SLC23A2: variants seen among roughly 807,000 people sequenced by gnomAD.
The protein encoded by SLC23A2 is Na(+)/L-ascorbic acid transporter 2.
Under a neutral mutation model 73.3 loss-of-function variants are expected in SLC23A2, and 36 were observed. The ratio of observed to expected loss-of-function variants is 0.49; its 90% CI spans 0.38 to 0.65. The LOEUF is 0.65. SLC23A2 is among the 30% of genes least tolerant of loss of function. The pLI is 0.00. For synonymous variants in SLC23A2, 343 were observed against 327.3 expected (o/e 1.05, Z -0.52); for missense variants, 507 against 841.6 (o/e 0.60, Z 4.92).
intron 6 of SLC23A2, among the ~76,000 whole-genome samples, chr20:4,895,784 T>C (rs17339921): frequency 0.051 from 7,779 of 152,316 alleles, 267 homozygotes; most frequent in Non-Finnish European, 0.071. Context: ...GCAGTATTGA[T>C]CTTGGTGAGC....
intron 1 of SLC23A2, among the ~76,000 whole-genome samples, chr20:4,972,960 G>A (rs2087588032): frequency 1.3e-5 from 2 of 152,086 alleles, no homozygotes; most frequent in South Asian, 2.1e-4. Context: ...CTAGTCAAGA[G>A]GAATAATGAA....
chr20:4,904,635 G>C (rs543822300), intron 4 of SLC23A2, among the ~76,000 whole-genome samples: 6 of 152,192 alleles, frequency 3.9e-5, no homozygotes, highest in African/African-American at 1.4e-4. Context: ...CAACAGCACC[G>C]CGTCAGCTAC....
intron 1 of SLC23A2, among the ~76,000 whole-genome samples, chr20:4,990,670 C>A (rs1179024687): frequency 6.7e-6 from 1 of 148,942 alleles, no homozygotes; most frequent in Non-Finnish European, 1.5e-5. Context: ...ACTGCCCCGG[C>A]CTCCATCTCT....
intron 3 of SLC23A2, among the ~76,000 whole-genome samples, chr20:4,922,830 T>TA (rs879928439): frequency 4.7e-4 from 62 of 133,240 alleles, no homozygotes; most frequent in East Asian, 1.0e-3. Context: ...ACCGTGTCTT[T>TA]AAAAAAAAAA....
intron 1 of SLC23A2, among the ~76,000 whole-genome samples, chr20:4,996,953 G>C (rs1389685287): frequency 2.0e-5 from 3 of 152,068 alleles, no homozygotes; most frequent in African/African-American, 7.2e-5. Flanking sequence ...CTGCATTTGG[G>C]TATGCTGGGT....
chr20:4,862,724 C>T lies in SLC23A2; in HGVS notation c.1486+54G>A, dbSNP rs3737321. On this transcript the variant is annotated intron_variant, in intron 14 of 16. Transcript: ENST00000338244. This position sits in a 1 kb window ranked among gnomAD's most constrained non-coding sequence, Gnocchi z 5.1. ...AAGGGAGTCAGCAAAAACACCATGACCCCTATTAAAAATTTGGAAAAGTAA... is the reference window on the plus strand; with the variant it reads ...AAGGGAGTCAGCAAAAACACCATGATCCCTATTAAAAATTTGGAAAAGTAA... The T allele has an allele frequency of 0.38, 588,558 of 1,534,532 alleles. 124,003 individuals carry two copies. Among genetic ancestry groups the T allele is most frequent in the African/African-American group, 0.86 (62,980 of 73,064 alleles).
chr20:4,936,868 C>G (rs1043457177), intron 2 of SLC23A2, among the ~76,000 whole-genome samples: 1 of 152,136 alleles, frequency 6.6e-6, no homozygotes, highest in African/African-American at 2.4e-5. Context: ...TATCCTGAAG[C>G]CTTAGACCTG....
At chr20:4,933,136 C>T (rs1033254809) in intron 2 of SLC23A2, among the ~76,000 whole-genome samples, 2 of 152,126 alleles carry the variant, frequency 1.3e-5, no homozygotes, top group African/African-American at 4.8e-5. Context: ...AAATGAGTAA[C>T]TGAATTTTAA....
chr20:4,896,966 C>A (rs1931551157), intron 6 of SLC23A2, among the ~76,000 whole-genome samples: 2 of 152,290 alleles, frequency 1.3e-5, no homozygotes, highest in Admixed American at 1.3e-4. Flanking sequence ...CTGGGCAGAG[C>A]CCTTGGAGCC....
At chr20:4,960,203 C>T (rs1308500577) in intron 2 of SLC23A2, among the ~76,000 whole-genome samples, 1 of 152,004 alleles carries the variant, frequency 6.6e-6, no homozygotes. Flanking sequence ...TCTATTAAAA[C>T]ACAATTATCA....
chr20:4,901,460 T>C (rs1931741190), intron 5 of SLC23A2, among the ~76,000 whole-genome samples: 1 of 151,686 alleles, frequency 6.6e-6, no homozygotes, highest in Admixed American at 6.6e-5. Context: ...AGTCCAGGAG[T>C]GTGCATTTAA....
At chr20:4,969,729 C>T (rs924295012) in intron 2 of SLC23A2, among the ~76,000 whole-genome samples, 5 of 151,928 alleles carry the variant, frequency 3.3e-5, no homozygotes, top group Admixed American at 2.0e-4. Flanking sequence ...GGACTATAGG[C>T]GTGCACCACC....
At chr20:4,917,728 G>T (rs1355436711) in intron 3 of SLC23A2, among the ~76,000 whole-genome samples, 1 of 152,120 alleles carries the variant, frequency 6.6e-6, no homozygotes, top group Non-Finnish European at 1.5e-5. Flanking sequence ...CCCTCCTGTT[G>T]CCCAGCTGAG....
In SLC23A2 at chr20:4,870,177, T is replaced by C. The variant is rs1023271468; in HGVS notation, c.1103-124A>G. The stretch of plus-strand genomic sequence containing the variant: ...AGATCCACTTGGATTCTGAAGCTCA[T>C]GGAAACTGTTCATTTTAAAATCTTA... On this transcript the variant is annotated intron_variant, in intron 11 of 16. Transcript: ENST00000338244. The C allele has an allele frequency of 1.1e-4, 91 of 793,632 alleles. No homozygotes were observed. In the East Asian group the frequency reaches 2.3e-3, roughly 20 times the overall value. The allele number at this position is 793,632 out of a possible 1,614,324, so 49.2% of individuals were successfully genotyped here.
intron 3 of SLC23A2, among the ~76,000 whole-genome samples, chr20:4,920,132 G>A (rs1005412988): frequency 3.9e-5 from 6 of 152,214 alleles, no homozygotes; most frequent in South Asian, 2.1e-4. Flanking sequence ...ATGGAGGCTC[G>A]CGCCTGTAAT....
chr20:4,870,174 T>C, intron 11 of SLC23A2, 121 bp from the exon 12 acceptor site: 3 of 805,826 alleles, frequency 3.7e-6, no homozygotes, highest in Non-Finnish European at 3.9e-6. Flanking sequence ...ATTCTGAAGC[T>C]CATGGAAACT....
At chr20:5,009,739 G>A (rs1045321963) in intron 1 of SLC23A2, among the ~76,000 whole-genome samples, 7 of 152,104 alleles carry the variant, frequency 4.6e-5, no homozygotes, top group Non-Finnish European at 1.0e-4. Flanking sequence ...CTGGAGAATT[G>A]GAAACTGAAT....
upstream of SLC23A2, among the ~76,000 whole-genome samples, chr20:5,001,669 G>A (rs2088130118): frequency 7.2e-6 from 1 of 139,352 alleles, no homozygotes. Context: ...GGAACATCCC[G>A]GGCCTCGCAC....
chr20:4,970,681 G>A (rs759087700), intron 2 of SLC23A2, 112 bp downstream of exon 2: 3 of 152,258 alleles, frequency 2.0e-5, no homozygotes, highest in Non-Finnish European at 4.4e-5. Flanking sequence ...AGGCTGCCAC[G>A]AGCTGTGATC....
Sources: allele counts gnomAD v4.1 joint callset (sites outside exome capture counted in the v4.1 genomes callset), GRCh38; gene constraint gnomAD v4.1.1; non-coding constraint Gnocchi (gnomAD v3.1); transcripts MANE v1.5; gene names NCBI Gene and HGNC (gene_info 2026-07-23, HGNC 2026-07-21).